Variants in RAD51B observed in about 807,000 individuals in gnomAD.
RAD51B encodes DNA repair protein RAD51 homolog 2.
In RAD51B, 38 loss-of-function variants were observed where a neutral mutation model predicts 42.2. That is an observed-to-expected ratio of 0.90 (90% CI 0.70 to 1.18). The LOEUF is 1.18. Among genes scored for constraint, RAD51B ranks in the 50% most tolerant of loss-of-function variants. RAD51B has a pLI of 0.00. For synonymous variants in RAD51B, 154 were observed against 145.2 expected (o/e 1.06, Z -0.43); for missense variants, 373 against 400.7 (o/e 0.93, Z 0.59).
In RAD51B at chr14:68,026,943, C is replaced by T. The variant is rs144604936; in HGVS notation, c.756+139739C>T. Among the ~76,000 whole-genome samples the T allele has an allele frequency of 6.6e-5, 10 of 152,146 alleles. No individual in the cohort carries two copies. The East Asian group carries it at 9.7e-4, about 15-fold the overall frequency. On this transcript the variant is annotated intron_variant, in intron 7 of 10. Coordinates refer to ENST00000471583, the MANE Select transcript of RAD51B (RefSeq NM_133510.4). Reference sequence around the variant, plus strand: ...ATAGTTGCTTTATAGTGTATGTAGGCGCCATGCTTAAGGGTGTTTTGTGGT... The same window carrying T: ...ATAGTTGCTTTATAGTGTATGTAGGTGCCATGCTTAAGGGTGTTTTGTGGT...
At chr14:67,922,889 G>A (rs1306469130) in intron 7 of RAD51B, among the ~76,000 whole-genome samples, 4 of 151,874 alleles carry the variant, frequency 2.6e-5, no homozygotes, top group South Asian at 2.1e-4. Flanking sequence ...ACGAGGTTTC[G>A]CCATGTTGGC....
At chr14:68,478,647 G>T (rs915073396), downstream of RAD51B, among the ~76,000 whole-genome samples, 2 of 152,230 alleles carry the variant, frequency 1.3e-5, no homozygotes, top group African/African-American at 4.8e-5. Context: ...TCTTACCCAG[G>T]TTGTTAGTGA....
chr14:68,014,199 C>CTTTTTTTTT (rs35420035), intron 7 of RAD51B, among the ~76,000 whole-genome samples: 1 of 138,330 alleles, frequency 7.2e-6, no homozygotes, highest in Non-Finnish European at 1.6e-5. Flanking sequence ...TCTTTTCTTT[C>CTTTTTTTTT]TTTTTTTTTT....
intron 7 of RAD51B, among the ~76,000 whole-genome samples, chr14:68,275,299 G>C (rs554959323): frequency 6.6e-6 from 1 of 152,156 alleles, no homozygotes; most frequent in African/African-American, 2.4e-5. Context: ...TTATATGAAA[G>C]TAACATTCTT....
chr14:68,261,111 T>C (rs2080879262), intron 7 of RAD51B, among the ~76,000 whole-genome samples: 1 of 152,236 alleles, frequency 6.6e-6, no homozygotes, highest in Admixed American at 6.5e-5. Flanking sequence ...CGAAGACCCT[T>C]GCACCTCCTC....
chr14:68,105,006 G>A (rs1286198688), intron 7 of RAD51B, among the ~76,000 whole-genome samples: 1 of 152,146 alleles, frequency 6.6e-6, no homozygotes, highest in Non-Finnish European at 1.5e-5. Flanking sequence ...CAGAACTGTT[G>A]TTTCAGATGA....
At chr14:68,206,635 A>G (rs1363131923) in intron 7 of RAD51B, among the ~76,000 whole-genome samples, 1 of 151,290 alleles carries the variant, frequency 6.6e-6, no homozygotes, top group Non-Finnish European at 1.5e-5. Flanking sequence ...AAACTGTCTC[A>G]GATTTAGCCA....
chr14:67,879,185 A>G (rs1249887599), intron 5 of RAD51B, among the ~76,000 whole-genome samples: 1 of 152,254 alleles, frequency 6.6e-6, no homozygotes, highest in Non-Finnish European at 1.5e-5. Context: ...GCAAGGGCCT[A>G]AGCTGTAGTC....
chr14:68,205,927 T>C (rs2079575480), intron 7 of RAD51B, among the ~76,000 whole-genome samples: 2 of 152,222 alleles, frequency 1.3e-5, no homozygotes. Context: ...TTCTATCTAA[T>C]CTACCATTTA....
intron 8 of RAD51B, among the ~76,000 whole-genome samples, chr14:68,377,938 GACAATACTTTGCAATT>G (rs2083404528): frequency 6.6e-6 from 1 of 152,098 alleles, no homozygotes; most frequent in South Asian, 2.1e-4. Flanking sequence ...AAATCATAAA[GACAATACTTTGCAATT>G]AAAAGTCATT....
At chr14:68,088,660 G>A (rs2077039769) in intron 7 of RAD51B, among the ~76,000 whole-genome samples, 1 of 139,964 alleles carries the variant, frequency 7.1e-6, no homozygotes, top group Non-Finnish European at 1.6e-5. Context: ...GAGAGGTGGG[G>A]GGGAGATTGA....
chr14:67,899,457 T>G (rs1359523128), intron 7 of RAD51B, among the ~76,000 whole-genome samples: 1 of 152,222 alleles, frequency 6.6e-6, no homozygotes, highest in Non-Finnish European at 1.5e-5. Context: ...TTGATGGTTA[T>G]AGGAGAGAAA....
intron 7 of RAD51B, among the ~76,000 whole-genome samples, chr14:68,090,752 C>A (rs920117729): frequency 1.3e-5 from 2 of 150,828 alleles, no homozygotes; most frequent in Non-Finnish European, 3.0e-5. Flanking sequence ...GCACAACGTG[C>A]AGGTTTGTTA....
intron 7 of RAD51B, among the ~76,000 whole-genome samples, chr14:68,267,525 T>G (rs1268809649): frequency 6.6e-6 from 1 of 152,136 alleles, no homozygotes; most frequent in African/African-American, 2.4e-5. Context: ...GTTTGATTGG[T>G]TATTTGGCAA....
At chr14:67,838,775 A>G (rs962649620) in intron 4 of RAD51B, among the ~76,000 whole-genome samples, 3 of 150,314 alleles carry the variant, frequency 2.0e-5, no homozygotes, top group African/African-American at 7.4e-5. Flanking sequence ...ATTTTCCTGT[A>G]AGTTTAAAAT....
intron 10 of RAD51B, among the ~76,000 whole-genome samples, chr14:68,589,002 A>T (rs1451063536): frequency 1.3e-5 from 2 of 152,194 alleles, no homozygotes; most frequent in Non-Finnish European, 2.9e-5. Flanking sequence ...GTCAGCTCCC[A>T]GGTACCAGTT....
At chr14:67,904,388 T>A (rs185167571) in intron 7 of RAD51B, among the ~76,000 whole-genome samples, 1 of 152,260 alleles carries the variant, frequency 6.6e-6, no homozygotes, top group African/African-American at 2.4e-5. Flanking sequence ...CATTCCCTTT[T>A]CTCTGCAACC....
At chr14:68,299,784 A>G (rs1025186472) in intron 8 of RAD51B, among the ~76,000 whole-genome samples, 3 of 152,224 alleles carry the variant, frequency 2.0e-5, no homozygotes, top group African/African-American at 7.2e-5. Flanking sequence ...GATTATCATG[A>G]CTATGTATAA....
chr14:68,173,870 A>G (rs2140864339), intron 7 of RAD51B, among the ~76,000 whole-genome samples: 1 of 152,312 alleles, frequency 6.6e-6, no homozygotes, highest in African/African-American at 2.4e-5. Flanking sequence ...GTAGGTCATT[A>G]TATTAACATC....
Sources: gnomAD v4.1 joint callset for allele counts (sites outside exome capture counted in the v4.1 genomes callset) on GRCh38, gnomAD v4.1.1 for gene constraint, MANE v1.5 for transcripts, NCBI Gene and HGNC (gene_info 2026-07-23, HGNC 2026-07-21) for gene names.